Variants in RBFOX2 observed in about 807,000 individuals in gnomAD.
RBFOX2 encodes RNA binding protein fox-1 homolog 2.
RBFOX2 carries 10 observed loss-of-function variants against 49.1 expected under a neutral mutation model. The ratio of observed to expected loss-of-function variants is 0.20; its 90% CI spans 0.13 to 0.35. The LOEUF (loss-of-function observed/expected upper bound fraction) is 0.35, where lower values mean the gene tolerates loss of function less well. RBFOX2 is among the 10% of genes least tolerant of loss of function. The pLI, the probability that RBFOX2 is intolerant of heterozygous loss-of-function variation, is 1.00. For missense variants in RBFOX2, 323 were observed against 486.9 expected (o/e 0.66, Z 3.17); for synonymous variants, 183 against 187.4 (o/e 0.98, Z 0.19).
chr22:35,939,035 T>C, upstream of RBFOX2: 1 of 802,302 alleles, frequency 1.2e-6, no homozygotes, highest in Non-Finnish European at 2.1e-6. Context: ...CCACCCTACC[T>C]AAGTGTATAT....
chr22:35,911,811 TC>T (rs2049868366), intron 1 of RBFOX2, among the ~76,000 whole-genome samples: 1 of 152,104 alleles, frequency 6.6e-6, no homozygotes, highest in Admixed American at 6.6e-5. Context: ...ATGACCCATA[TC>T]CCATCTCACC....
chr22:36,024,558 T>C (rs1292517468), intron 1 of RBFOX2, among the ~76,000 whole-genome samples: 2 of 151,820 alleles, frequency 1.3e-5, no homozygotes, highest in Non-Finnish European at 2.9e-5. Flanking sequence ...CTGGCCAACA[T>C]GGTGAAACCT....
chr22:35,886,108 A>G (rs2046545310), intron 1 of RBFOX2, among the ~76,000 whole-genome samples: 1 of 151,828 alleles, frequency 6.6e-6, no homozygotes, highest in African/African-American at 2.4e-5. Flanking sequence ...CGCCCACCTC[A>G]GCCTCCCAAA....
exon 1 of RBFOX2, chr22:36,028,513 C>A: frequency 9.8e-7 from 1 of 1,022,886 alleles, no homozygotes; most frequent in Admixed American, 5.7e-5. Flanking sequence ...TCGCGACAGG[C>A]GGGCGCGCGC....
intron 1 of RBFOX2, among the ~76,000 whole-genome samples, chr22:35,847,957 C>T (rs1417460943): frequency 6.6e-6 from 1 of 152,086 alleles, no homozygotes; most frequent in African/African-American, 2.4e-5. Context: ...CTCTTTAATC[C>T]ACCCCAAAAT....
intron 1 of RBFOX2, among the ~76,000 whole-genome samples, chr22:35,909,491 G>A (rs2049522577): frequency 6.6e-6 from 1 of 151,916 alleles, no homozygotes. Flanking sequence ...TTGTCAAAAG[G>A]TAATACAACA....
At chr22:36,024,305 GT>G (rs1472271521) in intron 1 of RBFOX2, among the ~76,000 whole-genome samples, 2 of 152,176 alleles carry the variant, frequency 1.3e-5, no homozygotes, top group African/African-American at 4.8e-5. Flanking sequence ...AATCTTAGCA[GT>G]GAAACAAGAA....
intron 1 of RBFOX2, among the ~76,000 whole-genome samples, chr22:35,890,178 G>A (rs1039873662): frequency 3.3e-5 from 5 of 152,146 alleles, no homozygotes; most frequent in African/African-American, 7.2e-5. Context: ...GGTATACACA[G>A]TTAAGTAATT....
At chr22:35,758,898 A>T (rs2146262663) in intron 9 of RBFOX2, among the ~76,000 whole-genome samples, 1 of 152,342 alleles carries the variant, frequency 6.6e-6, no homozygotes, top group African/African-American at 2.4e-5. Context: ...GGACATACAA[A>T]GGAGGTTCCT....
intron 5 of RBFOX2, among the ~76,000 whole-genome samples, chr22:35,765,698 G>A (rs1452209987): frequency 6.6e-6 from 1 of 151,964 alleles, no homozygotes; most frequent in African/African-American, 2.4e-5. Context: ...GAGTTTCTTG[G>A]TTTCCAAATA....
intron 1 of RBFOX2, among the ~76,000 whole-genome samples, chr22:35,937,083 A>C (rs1033063038): frequency 6.6e-6 from 1 of 152,212 alleles, no homozygotes; most frequent in Non-Finnish European, 1.5e-5. Flanking sequence ...AGCCCATAGG[A>C]CTGTAGTTCT....
chr22:35,786,160 T>C (rs1946346668), intron 2 of RBFOX2, among the ~76,000 whole-genome samples: 1 of 152,186 alleles, frequency 6.6e-6, no homozygotes. Context: ...GCAGGATAAA[T>C]GAAAACTAAT....
Position 35,896,001 on chromosome 22 carries a change from A to C in RBFOX2, c.-34+42846T>G, listed in dbSNP as rs554799657. Among the ~76,000 whole-genome samples, 21 of 152,312 alleles carry C rather than the reference A, an allele frequency of 1.4e-4. 1 individual carries two copies. The highest frequency in any genetic ancestry group is 3.3e-4 in the Admixed American group (5 of 15,302). ...CCTGTCCTAATGGTTTTTATTCAGAAAATCACGTAATTATCCCCCATATTC... is the reference window on the plus strand; with the variant it reads ...CCTGTCCTAATGGTTTTTATTCAGACAATCACGTAATTATCCCCCATATTC... On this transcript the variant is annotated intron_variant, in intron 1 of 13. Transcript: ENST00000359369.
At position 35,749,963 on chromosome 22, in the gene RBFOX2, G is replaced by A. The variant is rs969292581; in HGVS notation, c.888-3402C>T. 1.3e-5 allele frequency among the ~76,000 whole-genome samples: 2 copies of A among 152,134 alleles called. No homozygotes were observed. Among genetic ancestry groups the A allele is most frequent in the African/African-American group, 2.4e-5 (1 of 41,426 alleles). ...TATCCCAGCATTCTCTTGGGACAGC[G>A]GTTTGCCCTAGGCTCTACCACAAGC... On this transcript the variant is annotated intron_variant, in intron 9 of 11. Transcript: ENST00000405409. The surrounding 1 kb of genome is among the most constrained non-coding windows in gnomAD (Gnocchi z 4.1).
At chr22:35,818,399 C>T (rs1011170573) in intron 1 of RBFOX2, among the ~76,000 whole-genome samples, 3 of 152,176 alleles carry the variant, frequency 2.0e-5, no homozygotes, top group African/African-American at 7.2e-5. Context: ...TTCTTTTTCT[C>T]AACCAAACTT....
At chr22:35,811,016 A>G (rs1355746029) in intron 1 of RBFOX2, among the ~76,000 whole-genome samples, 1 of 152,222 alleles carries the variant, frequency 6.6e-6, no homozygotes. Flanking sequence ...GTAGTGACCT[A>G]CCTTGAAACA....
At position 35,867,351 on chromosome 22, in the gene RBFOX2, C is replaced by T. The variant is rs1482697604; in HGVS notation, c.-33-57347G>A. Among the ~76,000 whole-genome samples, 36 of 152,174 alleles carry T rather than the reference C, an allele frequency of 2.4e-4. 1 individual carries two copies. Among genetic ancestry groups the T allele is most frequent in the Admixed American group, 2.3e-3 (35 of 15,270 alleles). Reference sequence around the variant, plus strand: ...ACTGAAATCCAGAATAATATGAGTACATCTGCCAGCAGTTTTATATTTTGA... The same window carrying T: ...ACTGAAATCCAGAATAATATGAGTATATCTGCCAGCAGTTTTATATTTTGA... On this transcript the variant is annotated intron_variant, in intron 1 of 13. Transcript: ENST00000359369.
At chr22:35,916,492 T>C (rs1173487697) in intron 1 of RBFOX2, among the ~76,000 whole-genome samples, 2 of 152,162 alleles carry the variant, frequency 1.3e-5, no homozygotes, top group Admixed American at 6.5e-5. Context: ...ATGTTGTCCA[T>C]GCTGGTCTTG....
chr22:35,782,513 G>A (rs1945388619), intron 2 of RBFOX2, among the ~76,000 whole-genome samples: 1 of 152,138 alleles, frequency 6.6e-6, no homozygotes, highest in South Asian at 2.1e-4. Flanking sequence ...GGTAGAGACG[G>A]GGTTTCACCC....
Sources: allele counts gnomAD v4.1 joint callset (sites outside exome capture counted in the v4.1 genomes callset), GRCh38; gene constraint gnomAD v4.1.1; non-coding constraint Gnocchi (gnomAD v3.1); transcripts MANE v1.5; gene names NCBI Gene and HGNC (gene_info 2026-07-23, HGNC 2026-07-21).